Variants in UNC13C observed in about 807,000 individuals in gnomAD.
UNC13C encodes the protein unc-13 homolog C, also known as protein unc-13 homolog C.
In UNC13C, 174 loss-of-function variants were observed where a neutral mutation model predicts 245.4. That is an observed-to-expected ratio of 0.71 (90% CI 0.63 to 0.80). The LOEUF (loss-of-function observed/expected upper bound fraction) is 0.80, where lower values mean the gene tolerates loss of function less well. UNC13C is among the 30% of genes least tolerant of loss of function. The pLI is 0.00. For synonymous variants in UNC13C, 992 were observed against 895.1 expected, an observed-to-expected ratio of 1.11 and a Z score of -1.93; for missense variants, 2,829 against 2,602.9, an observed-to-expected ratio of 1.09 and a Z score of -1.89.
chr15:54,320,760 A>G (rs1211402313), intron 13 of UNC13C: 24 of 395,376 alleles, frequency 6.1e-5, no homozygotes, highest in South Asian at 5.0e-4. Context: ...TACTGCTGCT[A>G]CTGGAACCAC....
the UNC13C span, among the ~76,000 whole-genome samples, chr15:53,855,042 T>G: frequency 6.6e-6 from 1 of 152,120 alleles, no homozygotes. Context: ...TAGGTGTTTT[T>G]TTCTCTTTGT....
At chr15:54,033,502 G>C (rs1056544927) in intron 2 of UNC13C, among the ~76,000 whole-genome samples, 7 of 152,090 alleles carry the variant, frequency 4.6e-5, no homozygotes, top group African/African-American at 1.7e-4. Context: ...TCTCAAGCCT[G>C]GATGCATGCC....
At chr15:53,966,101 AATT>A in the UNC13C span, among the ~76,000 whole-genome samples, 4 of 152,104 alleles carry the variant, frequency 2.6e-5, no homozygotes, top group Non-Finnish European at 4.4e-5. Context: ...TTGTTAAAGA[AATT>A]AAGTGGGTCA....
rs909021779 is a variant in UNC13C, at chr15:54,015,168, G to T, written c.2265G>T (p.Gln755His). The T allele has an allele frequency of 1.2e-6, 2 of 1,612,464 alleles. No individual in the cohort carries two copies. The highest frequency in any genetic ancestry group is 1.7e-6 in the Non-Finnish European group (2 of 1,179,330). The change falls in exon 2 of 33, where the codon CAG (glutamine) becomes CAT (histidine). Residue 755 changes from glutamine (Q) to histidine (H), a missense_variant. Physicochemically the swap from Gln to His is conservative, Grantham distance 24 (BLOSUM62 0). Transcript: ENST00000260323. Reference protein sequence around the residue: ...NSNELYQNQNQLSMMYRSQSE... With the variant: ...NSNELYQNQNHLSMMYRSQSE... ...ATGAGCTATACCAAAATCAAAACCA[G>T]TTGTCCATGATGTATCGAAGTCAAA...
the UNC13C span, among the ~76,000 whole-genome samples, chr15:53,958,843 A>C: frequency 6.6e-6 from 1 of 152,108 alleles, no homozygotes; most frequent in Non-Finnish European, 1.5e-5. Context: ...CAAATATACA[A>C]TCGATTATTA....
rs1167438000 is a variant in UNC13C at position 54,013,169 on chromosome 15, C to G, written c.266C>G (p.Ser89Ter). 2 of 1,613,742 alleles carry G rather than the reference C, an allele frequency of 1.2e-6. No individual in the cohort carries two copies. Among genetic ancestry groups the G allele is most frequent in the Non-Finnish European group, 1.7e-6 (2 of 1,179,866 alleles). The change falls in exon 2 of 33, where the codon TCA (serine) becomes TGA (stop). Residue 89 changes from serine to a stop codon, truncating the protein, a stop_gained. Coordinates refer to ENST00000260323, the MANE Select transcript of UNC13C (RefSeq NM_001080534.3). LOFTEE classifies it high-confidence loss of function. ...EDEASKEFSL[S>*]PTFSYRVAIA... ...GAGGCCAGTAAAGAGTTTTCCCTCT[C>G]ACCAACATTCAGTTACCGAGTAGCT...
chr15:54,464,275 T>C (rs182713682), intron 19 of UNC13C, among the ~76,000 whole-genome samples: 140 of 152,286 alleles, frequency 9.2e-4, no homozygotes, highest in African/African-American at 3.2e-3. Flanking sequence ...ACATTTTCCA[T>C]TCATGAACTT....
In UNC13C at chr15:54,250,397, A is replaced by G; in HGVS notation, c.3401A>G (p.Lys1134Arg). The G allele has an allele frequency of 6.2e-7, 1 of 1,613,660 alleles. No homozygotes were observed. Residue 1134 changes from lysine (K) to arginine (R), a missense_variant, in exon 8 of 33, where the codon AAA becomes AGA. Lys to Arg is a conservative substitution (Grantham distance 26, BLOSUM62 2). Coordinates refer to ENST00000260323, the MANE Select transcript of UNC13C (RefSeq NM_001080534.3). ...QGMKCLECGV[K>R]CHEKCQDLLN... ...ATGAAGTGTCTGGAGTGTGGAGTGAAATGCCACGAAAAGTGTCAGGACCTG... is the reference window on the plus strand; with the variant it reads ...ATGAAGTGTCTGGAGTGTGGAGTGAGATGCCACGAAAAGTGTCAGGACCTG...
chr15:54,366,729 T>A (rs1483077006), intron 17 of UNC13C, among the ~76,000 whole-genome samples: 1 of 152,214 alleles, frequency 6.6e-6, no homozygotes, highest in Non-Finnish European at 1.5e-5. Context: ...TCAGTGATTT[T>A]TTTTATTAAG....
At chr15:54,307,150 A>G (rs1311742566) in intron 13 of UNC13C, among the ~76,000 whole-genome samples, 1 of 151,864 alleles carries the variant, frequency 6.6e-6, no homozygotes, top group African/African-American at 2.4e-5. Context: ...TGAGGCTGCT[A>G]TAAAAAATAC....
intron 14 of UNC13C, among the ~76,000 whole-genome samples, chr15:54,323,084 TGCACTTCCAA>T (rs2038207069): frequency 6.6e-6 from 1 of 151,880 alleles, no homozygotes; most frequent in African/African-American, 2.4e-5. Context: ...TTGTTTCCAC[TGCACTTCCAA>T]TTTAGTTTAC....
At chr15:54,110,730 T>C (rs940596154) in intron 2 of UNC13C, among the ~76,000 whole-genome samples, 12 of 152,176 alleles carry the variant, frequency 7.9e-5, no homozygotes, top group Admixed American at 2.0e-4. Context: ...TTGTGTGAAT[T>C]TTCTTTGGTA....
chr15:54,344,718 C>G (rs1458092699), intron 17 of UNC13C, among the ~76,000 whole-genome samples: 1 of 152,034 alleles, frequency 6.6e-6, no homozygotes, highest in Non-Finnish European at 1.5e-5. Context: ...AAGTTAAGAC[C>G]TTTTTGTCTT....
At chr15:54,535,208 C>A (rs573165849) in intron 26 of UNC13C, among the ~76,000 whole-genome samples, 1 of 151,926 alleles carries the variant, frequency 6.6e-6, no homozygotes, top group Non-Finnish European at 1.5e-5. Context: ...CAAAAAAGAG[C>A]AGGGGTTGCT....
chr15:54,595,031 G>A (rs1006485325), intron 30 of UNC13C, among the ~76,000 whole-genome samples: 1 of 152,228 alleles, frequency 6.6e-6, no homozygotes, highest in Non-Finnish European at 1.5e-5. Flanking sequence ...AAACAGTGAA[G>A]GAGAATTTGT....
the UNC13C span, among the ~76,000 whole-genome samples, chr15:53,887,857 T>A: frequency 6.6e-6 from 1 of 152,194 alleles, no homozygotes; most frequent in Non-Finnish European, 1.5e-5. Context: ...TCCAGCTTCA[T>A]CCATGTCCCT....
intron 19 of UNC13C, among the ~76,000 whole-genome samples, chr15:54,443,359 T>A (rs1454883708): frequency 6.6e-6 from 1 of 152,058 alleles, no homozygotes; most frequent in East Asian, 1.9e-4. Context: ...AAAAATCCAA[T>A]TTGTTTCATT....
intron 19 of UNC13C, among the ~76,000 whole-genome samples, chr15:54,423,387 T>C (rs1040707753): frequency 2.0e-5 from 3 of 151,874 alleles, no homozygotes; most frequent in African/African-American, 7.2e-5. Flanking sequence ...TATTCAGATA[T>C]ATTTCTATGT....
At chr15:54,265,615 TAAA>T in intron 10 of UNC13C, 119 bp downstream of exon 10, 1 of 724,124 alleles carries the variant, frequency 1.4e-6, no homozygotes, top group Non-Finnish European at 2.0e-6. Flanking sequence ...CCAAAAGTAA[TAAA>T]AAAGTAAAAG....
Sources: gnomAD v4.1 joint callset for allele counts (sites outside exome capture counted in the v4.1 genomes callset) on GRCh38, gnomAD v4.1.1 for gene constraint, MANE v1.5 for transcripts, NCBI Gene and HGNC (gene_info 2026-07-23, HGNC 2026-07-21) for gene names.